GABRG1: variants seen among roughly 807,000 people sequenced by gnomAD.
GABRG1 encodes gamma-aminobutyric acid type A receptor subunit gamma1.
In GABRG1, 49 loss-of-function variants were observed where a neutral mutation model predicts 49.8. The observed-to-expected ratio is 0.98, with a 90% CI of 0.78 to 1.25. The LOEUF is 1.25. Among genes scored for constraint, GABRG1 ranks in the 50% most tolerant of loss-of-function variants. GABRG1 has a pLI of 0.00. For synonymous variants in GABRG1, 232 were observed against 185.1 expected (o/e 1.25, Z -2.06); for missense variants, 552 against 552.3 (o/e 1.00, Z 0.01).
At chr4:46,115,816 T>A (rs759101145) in intron 1 of GABRG1, among the ~76,000 whole-genome samples, 48 of 150,718 alleles carry the variant, frequency 3.2e-4, no homozygotes, top group Non-Finnish European at 6.4e-4. Context: ...GCCAATCATA[T>A]CAGAGCATAG....
intron 7 of GABRG1, 124 bp downstream of exon 7, chr4:46,058,093 G>T: frequency 2.5e-6 from 2 of 810,768 alleles, no homozygotes; most frequent in Non-Finnish European, 3.7e-6. Flanking sequence ...CTTAGTTCCT[G>T]TCAATTTTTT....
In GABRG1 at chr4:46,035,912, G is replaced by A. The variant is rs531698618; in HGVS notation, c.*5076C>T. 1 of 151,884 alleles carries A rather than the reference G, an allele frequency of 6.6e-6. No individual in the cohort carries two copies. Among genetic ancestry groups the A allele is most frequent in the East Asian group, 1.9e-4 (1 of 5,158 alleles). 9.4% of individuals were successfully genotyped at this position (151,884 alleles called of 1,614,324 possible). ...TCCTCAAAACAATGAGGCAGTAGCA[G>A]AATAACAGAAGCCATTATAATCACA... On this transcript the variant is annotated 3_prime_UTR_variant, in exon 9 of 9. Coordinates refer to ENST00000295452, the MANE Select transcript of GABRG1 (RefSeq NM_173536.4).
intron 2 of GABRG1, among the ~76,000 whole-genome samples, chr4:46,087,515 G>A (rs1376805263): frequency 3.3e-5 from 5 of 150,794 alleles, no homozygotes; most frequent in Non-Finnish European, 7.4e-5. Context: ...CATGAATCAG[G>A]AAAAAGTCAG....
rs535541684 is a variant in GABRG1, at chr4:46,090,512, G to T, written c.254-6459C>A. ...GAATATAGTGATTTATAGTTTTAGG[G>T]AACTATATATAGTTCTCTATATATA... On this transcript the variant is annotated intron_variant, in intron 2 of 8. Coordinates refer to ENST00000295452, the MANE Select transcript of GABRG1 (RefSeq NM_173536.4). 1.3e-4 allele frequency among the ~76,000 whole-genome samples: 19 copies of T among 151,932 alleles called. No individual in the cohort carries two copies. In the South Asian group the frequency reaches 3.3e-3, roughly 27 times the overall value.
chr4:46,114,525 G>C (rs1720825449), intron 1 of GABRG1, among the ~76,000 whole-genome samples: 1 of 150,774 alleles, frequency 6.6e-6, no homozygotes, highest in Non-Finnish European at 1.5e-5. Flanking sequence ...TAAGCTTTAA[G>C]CAATTTGAAG....
intron 1 of GABRG1, among the ~76,000 whole-genome samples, chr4:46,103,550 C>T (rs1442663733): frequency 6.6e-6 from 1 of 151,226 alleles, no homozygotes; most frequent in Non-Finnish European, 1.5e-5. Flanking sequence ...GTGGGGCTAA[C>T]AATATTTTAA....
At position 46,037,025 on chromosome 4, in the gene GABRG1, C is replaced by T. The variant is rs776315418; in HGVS notation, c.*3963G>A. ...CCCAGTTGGAAATTGTGATCTCTCT[C>T]CCTCTTACCTGTTGAATCCCCAGCT... On this transcript the variant is annotated 3_prime_UTR_variant, in exon 9 of 9. Transcript: ENST00000295452. 1.3e-5 allele frequency: 2 copies of T among 151,764 alleles called. No individual in the cohort carries two copies. The highest frequency in any genetic ancestry group is 2.9e-5 in the Non-Finnish European group (2 of 67,818). 9.4% of individuals were successfully genotyped at this position (151,764 alleles called of 1,614,324 possible). A position where few individuals can be genotyped will look rare whatever the true frequency, so the allele number is the denominator to read the frequency against.
chr4:46,096,010 T>G (rs1720153228), intron 2 of GABRG1, among the ~76,000 whole-genome samples: 1 of 151,782 alleles, frequency 6.6e-6, no homozygotes, highest in Admixed American at 6.6e-5. Flanking sequence ...CCTTTCTTAG[T>G]GTTCATGAAT....
intron 1 of GABRG1, among the ~76,000 whole-genome samples, chr4:46,104,374 G>C (rs977687107): frequency 5.9e-5 from 9 of 151,464 alleles, no homozygotes; most frequent in African/African-American, 2.2e-4. Flanking sequence ...TCCAGCCTCA[G>C]ATATTATAAA....
intron 1 of GABRG1, among the ~76,000 whole-genome samples, chr4:46,100,526 G>A (rs1299833338): frequency 2.6e-5 from 4 of 151,284 alleles, no homozygotes; most frequent in Non-Finnish European, 5.9e-5. Flanking sequence ...TGTGCTTCTG[G>A]AATGTTTTAT....
intron 1 of GABRG1, among the ~76,000 whole-genome samples, chr4:46,098,620 G>A (rs977855250): frequency 2.0e-5 from 3 of 151,684 alleles, no homozygotes; most frequent in African/African-American, 7.3e-5. Flanking sequence ...GAATACAAGA[G>A]AACACGCCAG....
intron 2 of GABRG1, among the ~76,000 whole-genome samples, chr4:46,092,062 C>T (rs532934575): frequency 5.3e-5 from 8 of 151,808 alleles, no homozygotes; most frequent in Non-Finnish European, 7.4e-5. Context: ...GTTTCCATAT[C>T]GATTGGAAAT....
chr4:46,103,676 C>A (rs1720452704), intron 1 of GABRG1, among the ~76,000 whole-genome samples: 1 of 151,258 alleles, frequency 6.6e-6, no homozygotes, highest in South Asian at 2.1e-4. Flanking sequence ...GTTCAGAAAT[C>A]ATGACTACCA....
chr4:46,076,361 TCATATATATATATATATATATATA>T (rs1351292154), intron 3 of GABRG1, among the ~76,000 whole-genome samples: 1,956 of 78,148 alleles, frequency 0.025, 135 homozygotes, highest in Non-Finnish European at 0.03. Flanking sequence ...TAGGTCATGT[TCATATATATATATATATATATATA>T]TATATATATA....
intron 1 of GABRG1, among the ~76,000 whole-genome samples, chr4:46,116,258 G>A (rs1369791902): frequency 1.3e-5 from 2 of 150,844 alleles, no homozygotes; most frequent in South Asian, 2.1e-4. Context: ...GTAAGAGAAA[G>A]AAAATGTAAT....
At chr4:46,083,876 T>A in intron 3 of GABRG1, 110 bp downstream of exon 3, 1 of 698,268 alleles carries the variant, frequency 1.4e-6, no homozygotes. Flanking sequence ...CATGTTGATC[T>A]GAATTCATTC....
intron 8 of GABRG1, among the ~76,000 whole-genome samples, chr4:46,043,598 T>TA (rs1560346141): frequency 3.9e-5 from 6 of 151,942 alleles, no homozygotes; most frequent in Non-Finnish European, 1.5e-5. Context: ...GAAGTGCAGC[T>TA]ATGCTACCCA....
intron 1 of GABRG1, among the ~76,000 whole-genome samples, chr4:46,100,070 A>G (rs1257467791): frequency 6.6e-6 from 1 of 151,822 alleles, no homozygotes; most frequent in Non-Finnish European, 1.5e-5. Context: ...AGAACATATT[A>G]GTTAACATAT....
chr4:46,097,152 T>C, intron 2 of GABRG1, 49 bp downstream of exon 2: 2 of 1,443,914 alleles, frequency 1.4e-6, no homozygotes, highest in Non-Finnish European at 1.9e-6. Flanking sequence ...GTACCAGTAA[T>C]GATATGTTTA....
Sources: allele counts gnomAD v4.1 joint callset (sites outside exome capture counted in the v4.1 genomes callset), GRCh38; gene constraint gnomAD v4.1.1; transcripts MANE v1.5; gene names NCBI Gene and HGNC (gene_info 2026-07-23, HGNC 2026-07-21).